Variants in TMEM177 observed in about 807,000 individuals in gnomAD.
The protein encoded by TMEM177 is transmembrane protein 177.
Under a neutral mutation model 14.2 loss-of-function variants are expected in TMEM177, and 4 were observed. That is an observed-to-expected ratio of 0.28 (90% CI 0.14 to 0.64). The LOEUF is 0.64. Among genes scored for constraint, TMEM177 ranks in the 30% least tolerant of loss-of-function variants. The probability of loss-of-function intolerance (pLI) is 0.82; values close to 1 mark genes in which losing one functional copy is unlikely to be tolerated. For synonymous variants in TMEM177, 179 were observed against 174.5 expected (o/e 1.03, Z -0.20); for missense variants, 344 against 405.2 (o/e 0.85, Z 1.30).
the TMEM177 span, among the ~76,000 whole-genome samples, chr2:119,721,725 A>G: frequency 6.6e-6 from 1 of 152,238 alleles, no homozygotes; most frequent in African/African-American, 2.4e-5. Context: ...AACAGTTGGT[A>G]TCAGAAGAGT....
At chr2:119,703,161 AC>A in the TMEM177 span, among the ~76,000 whole-genome samples, 7 of 152,186 alleles carry the variant, frequency 4.6e-5, no homozygotes, top group Non-Finnish European at 8.8e-5. Context: ...TCACCGTTAG[AC>A]TTTTATCCCT....
At chr2:119,710,254 T>C in the TMEM177 span, among the ~76,000 whole-genome samples, 1 of 152,142 alleles carries the variant, frequency 6.6e-6, no homozygotes, top group East Asian at 1.9e-4. Context: ...AAGCAGAAGA[T>C]GAGATTCCAG....
the TMEM177 span, among the ~76,000 whole-genome samples, chr2:119,711,160 A>G: frequency 6.6e-6 from 1 of 152,168 alleles, no homozygotes; most frequent in Admixed American, 6.5e-5. Flanking sequence ...GGCAGTGGAT[A>G]TGATATCGGA....
the TMEM177 span, among the ~76,000 whole-genome samples, chr2:119,714,861 T>C: frequency 2.2e-4 from 34 of 152,158 alleles, no homozygotes; most frequent in African/African-American, 8.0e-4. Flanking sequence ...GTGAAATTGG[T>C]ACAGGCAACA....
At chr2:119,708,280 T>G in the TMEM177 span, among the ~76,000 whole-genome samples, 1 of 152,224 alleles carries the variant, frequency 6.6e-6, no homozygotes, top group Non-Finnish European at 1.5e-5. Context: ...ATTACCATTC[T>G]GCCACATTTG....
chr2:119,681,531 C>G lies in TMEM177; in HGVS notation c.678C>G (p.Ala226=). ...YAFSQDSLTH[A]VESWLDRRTA... ...TCTCCCAGGATTCTCTCACTCATGC[C>G]GTGGAGTCCTGGCTGGACCGCCGCA... Residue 226 remains alanine, a synonymous_variant, in exon 2 of 2, where the codon GCC becomes GCG. Coordinates refer to ENST00000272521, the MANE Select transcript of TMEM177 (RefSeq NM_030577.3). The G allele has an allele frequency of 1.9e-6, 3 of 1,614,150 alleles. No individual in the cohort carries two copies. The highest frequency in any genetic ancestry group is 2.5e-6 in the Non-Finnish European group (3 of 1,180,052).
At position 119,682,031 on chromosome 2, in the gene TMEM177, G is replaced by A. The variant is rs1044629; in HGVS notation, c.*242G>A. 4.7e-5 allele frequency: 23 copies of A among 494,322 alleles called. No homozygotes were observed. Among genetic ancestry groups the A allele is most frequent in the African/African-American group, 3.3e-4 (17 of 52,266 alleles). The allele number at this position is 494,322 out of a possible 1,614,324, so 30.6% of individuals were successfully genotyped here. ...CTGTAAAGTGGAGATGATGTAAACC[G>A]CCTTGCAAGATTGTAGAGTTGGGTA... On this transcript the variant is annotated 3_prime_UTR_variant, in exon 2 of 2. Coordinates refer to ENST00000272521, the MANE Select transcript of TMEM177 (RefSeq NM_030577.3).
chr2:119,694,967 A>G, the TMEM177 span, among the ~76,000 whole-genome samples: 2 of 152,196 alleles, frequency 1.3e-5, no homozygotes, highest in African/African-American at 4.8e-5. Context: ...GGACGTGTGG[A>G]GTGGCTCATT....
the TMEM177 span, among the ~76,000 whole-genome samples, chr2:119,691,601 C>T: frequency 3.3e-5 from 5 of 152,214 alleles, no homozygotes; most frequent in African/African-American, 1.2e-4. Context: ...CAGTGGGCCA[C>T]ATCCACCTCT....
At chr2:119,712,831 C>T in the TMEM177 span, among the ~76,000 whole-genome samples, 2 of 152,156 alleles carry the variant, frequency 1.3e-5, no homozygotes, top group African/African-American at 4.8e-5. Context: ...TCCTTAGAAC[C>T]TCACTGACTG....
chr2:119,700,851 A>G, the TMEM177 span, among the ~76,000 whole-genome samples: 2 of 152,188 alleles, frequency 1.3e-5, no homozygotes, highest in Admixed American at 1.3e-4. Flanking sequence ...CTCTTTCATG[A>G]ATAGGTAACC....
At chr2:119,696,095 G>C in the TMEM177 span, among the ~76,000 whole-genome samples, 1 of 152,236 alleles carries the variant, frequency 6.6e-6, no homozygotes, top group South Asian at 2.1e-4. Flanking sequence ...TCTCATCTCT[G>C]TGGCTGCAGA....
chr2:119,694,093 T>TGGCACACACAAACAC, the TMEM177 span, among the ~76,000 whole-genome samples: 1 of 18,092 alleles, frequency 5.5e-5, no homozygotes, highest in Non-Finnish European at 1.2e-4. Flanking sequence ...ACCACACACA[T>TGGCACACACAAACAC]GGCACACACA....
downstream of TMEM177, chr2:119,686,084 C>T: frequency 5.2e-6 from 1 of 193,242 alleles, no homozygotes; most frequent in Non-Finnish European, 1.0e-5. Flanking sequence ...GAGTGGGCAG[C>T]CAGCTGTGGG....
chr2:119,713,588 T>G, the TMEM177 span, among the ~76,000 whole-genome samples: 1 of 152,148 alleles, frequency 6.6e-6, no homozygotes, highest in African/African-American at 2.4e-5. Context: ...GCTTATAATC[T>G]CAGCACTTTG....
At chr2:119,685,419 G>GCA (rs138566609), downstream of TMEM177, among the ~76,000 whole-genome samples, 6 of 151,262 alleles carry the variant, frequency 4.0e-5, no homozygotes, top group East Asian at 3.9e-4. Context: ...AGCTGGGCGC[G>GCA]CACACACACA....
chr2:119,692,707 T>A, the TMEM177 span, among the ~76,000 whole-genome samples: 2 of 152,156 alleles, frequency 1.3e-5, no homozygotes, highest in Admixed American at 1.3e-4. Flanking sequence ...GTGTGGTGGC[T>A]CACGCCTGTA....
At chr2:119,705,029 G>C in the TMEM177 span, among the ~76,000 whole-genome samples, 2 of 152,150 alleles carry the variant, frequency 1.3e-5, no homozygotes, top group South Asian at 4.1e-4. Context: ...GCCTCATTTG[G>C]TGACCTAGTT....
chr2:119,710,565 A>T, the TMEM177 span, among the ~76,000 whole-genome samples: 1 of 151,784 alleles, frequency 6.6e-6, no homozygotes, highest in East Asian at 1.9e-4. Flanking sequence ...GGAGGGACCC[A>T]AAGTCATCCC....
Sources: gnomAD v4.1 joint callset for allele counts (sites outside exome capture counted in the v4.1 genomes callset) on GRCh38, gnomAD v4.1.1 for gene constraint, MANE v1.5 for transcripts, NCBI Gene and HGNC (gene_info 2026-07-23, HGNC 2026-07-21) for gene names.